Variants in FER1L5 observed in about 807,000 individuals in gnomAD.
FER1L5 encodes the protein fer-1 like family member 5.
A neutral mutation model predicts 279.9 loss-of-function variants in FER1L5; 187 were observed. The ratio of observed to expected loss-of-function variants is 0.67; its 90% CI spans 0.59 to 0.75. The LOEUF (loss-of-function observed/expected upper bound fraction) is 0.75. FER1L5 is among the 30% of genes least tolerant of loss of function. FER1L5 has a pLI of 0.00. For synonymous variants in FER1L5, 921 were observed against 989.7 expected (o/e 0.93, Z 1.30); for missense variants, 2,091 against 2,594.4 (o/e 0.81, Z 4.21).
chr2:96,651,251 CT>C (rs762063519), intron 6 of FER1L5, among the ~76,000 whole-genome samples: 1,557 of 128,538 alleles, frequency 0.012, 24 homozygotes, highest in African/African-American at 0.04. Flanking sequence ...TTCTTTCTTT[CT>C]TTCTTTCTTT....
At chr2:96,672,413 A>G (rs1044415152) in intron 18 of FER1L5, among the ~76,000 whole-genome samples, 9 of 152,148 alleles carry the variant, frequency 5.9e-5, no homozygotes, top group African/African-American at 1.7e-4. Flanking sequence ...GGAAATGAGA[A>G]CAGGTGGTAG....
rs376708166 is a variant in FER1L5, at chr2:96,694,296, T to C, written c.3637-64T>C. On this transcript the variant is annotated intron_variant, in intron 33 of 52. Coordinates refer to ENST00000624922, the MANE Select transcript of FER1L5 (RefSeq NM_001293083.2). This position sits in a 1 kb window ranked among gnomAD's most constrained non-coding sequence, Gnocchi z 4.6. The stretch of plus-strand genomic sequence containing the variant: ...TCGGTGAGGCCTCTGAGGGACCTGC[T>C]TGAGGTGAGGGTGAGGGCAGCAGGA... 58 of 1,447,142 alleles carry C rather than the reference T, an allele frequency of 4.0e-5. 3 individuals are homozygous for C. The highest frequency in any genetic ancestry group is 2.4e-4 in the Admixed American group (10 of 42,362). 89.6% of individuals were successfully genotyped at this position (1,447,142 alleles called of 1,614,324 possible).
chr2:96,677,722 G>A (rs188648427), intron 19 of FER1L5, among the ~76,000 whole-genome samples: 23 of 152,166 alleles, frequency 1.5e-4, no homozygotes, highest in Admixed American at 3.3e-4. Context: ...AAAATTACCC[G>A]GGCATGGTGG....
At chr2:96,652,824 A>T (rs1289774495) in intron 7 of FER1L5, 2 of 152,424 alleles carry the variant, frequency 1.3e-5, no homozygotes, top group Non-Finnish European at 2.9e-5. Flanking sequence ...TGGCAGGGCA[A>T]CCTAGAAGGA....
intron 51 of FER1L5, among the ~76,000 whole-genome samples, 179 bp downstream of exon 51, chr2:96,703,811 T>C (rs1224360612): frequency 1.2e-3 from 67 of 55,888 alleles, no homozygotes; most frequent in African/African-American, 4.7e-3. Context: ...AAAGTTGCCT[T>C]TTTTTTTTTT....
At position 96,648,251 on chromosome 2, in the gene FER1L5, G is replaced by T. The variant is rs1446973790; in HGVS notation, c.339+365G>T. Among the ~76,000 whole-genome samples, 2 of 152,220 alleles carry T rather than the reference G, an allele frequency of 1.3e-5. 1 individual carries two copies. The highest frequency in any genetic ancestry group is 4.8e-5 in the African/African-American group (2 of 41,456). On this transcript the variant is annotated intron_variant, in intron 4 of 52. Coordinates refer to ENST00000624922, the MANE Select transcript of FER1L5 (RefSeq NM_001293083.2). Reference sequence around the variant, plus strand: ...AGGGAGTGAACAATTTGTCTCAGGAGGTCATGGACAGATTTACAGAGGGGG... The same window carrying T: ...AGGGAGTGAACAATTTGTCTCAGGATGTCATGGACAGATTTACAGAGGGGG...
intron 19 of FER1L5, among the ~76,000 whole-genome samples, chr2:96,679,897 A>G (rs1274650680): frequency 6.6e-6 from 1 of 151,548 alleles, no homozygotes; most frequent in East Asian, 1.9e-4. Flanking sequence ...TTACCTTCCC[A>G]TCTCTGTTTT....
chr2:96,659,361 CCTT>C (rs1558853610), intron 9 of FER1L5, among the ~76,000 whole-genome samples: 123 of 66,678 alleles, frequency 1.8e-3, no homozygotes, highest in South Asian at 7.0e-3. Context: ...TTCCTTCCTT[CCTT>C]CTTTCTTTCT....
intron 18 of FER1L5, among the ~76,000 whole-genome samples, chr2:96,671,106 C>CAAAAAAGAAAAAAA (rs2076309658): frequency 2.5e-5 from 1 of 40,222 alleles, no homozygotes; most frequent in Non-Finnish European, 3.9e-5. Flanking sequence ...GACTCCATCT[C>CAAAAAAGAAAAAAA]AAAAAAAAAA....
Position 96,704,807 on chromosome 2 carries a change from C to A in FER1L5, c.*115C>A. On this transcript the variant is annotated 3_prime_UTR_variant, in exon 53 of 53. Coordinates refer to ENST00000624922, the MANE Select transcript of FER1L5 (RefSeq NM_001293083.2). ...ATGCAAGATGCTAGGAATATTCTGG[C>A]TATTGTGTTCAGAAATCACTTTCAA... The A allele has an allele frequency of 2.5e-6, 2 of 785,578 alleles. No homozygotes were observed. The highest frequency in any genetic ancestry group is 4.1e-6 in the Non-Finnish European group (2 of 489,518). 48.7% of individuals were successfully genotyped at this position (785,578 alleles called of 1,614,324 possible). A position where few individuals can be genotyped will look rare whatever the true frequency, so the allele number is the denominator to read the frequency against.
At chr2:96,669,167 A>G in intron 17 of FER1L5, 30 bp downstream of exon 17, 3 of 1,540,974 alleles carry the variant, frequency 1.9e-6, no homozygotes, top group Non-Finnish European at 2.6e-6. Flanking sequence ...TCTAGGGTAC[A>G]GTGGAGGTAG....
chr2:96,668,404 G>T (rs1405475408), intron 14 of FER1L5, among the ~76,000 whole-genome samples: 4 of 152,082 alleles, frequency 2.6e-5, no homozygotes, highest in Non-Finnish European at 5.9e-5. Context: ...CCTGATGGCA[G>T]GTGCCTGTAG....
chr2:96,693,870 G>T, intron 32 of FER1L5, 41 bp from the exon 33 acceptor site: 2 of 1,510,602 alleles, frequency 1.3e-6, no homozygotes, highest in Middle Eastern at 1.9e-4. Context: ...GCTGGGCCCT[G>T]CCAGCATGGC....
chr2:96,682,520 C>T (rs540796288), intron 19 of FER1L5, among the ~76,000 whole-genome samples: 4 of 152,118 alleles, frequency 2.6e-5, no homozygotes, highest in Admixed American at 1.3e-4. Context: ...TATACAGGAG[C>T]GGAGTTGATG....
intron 6 of FER1L5, 25 bp from the exon 7 acceptor site, chr2:96,651,867 A>C: frequency 6.4e-7 from 1 of 1,551,912 alleles, no homozygotes; most frequent in Admixed American, 2.0e-5. Context: ...CCTCAATATC[A>C]GCTCCCCATG....
Position 96,689,104 on chromosome 2 carries a change from C to A in FER1L5, c.2362-109C>A. ...ATGGCCCTTTCTTGCCTGGCTACCACATTTTTAGGATGCCCCTGCAGCCCA... is the reference window on the plus strand; with the variant it reads ...ATGGCCCTTTCTTGCCTGGCTACCAAATTTTTAGGATGCCCCTGCAGCCCA... On this transcript the variant is annotated intron_variant, in intron 24 of 52. Transcript: ENST00000624922. The surrounding 1 kb of genome is among the most constrained non-coding windows in gnomAD (Gnocchi z 4.6). 7.5e-7 allele frequency: 1 copy of A among 1,335,276 alleles called. No homozygotes were observed. The highest frequency in any genetic ancestry group is 1.0e-6 in the Non-Finnish European group (1 of 994,706). 82.7% of individuals were successfully genotyped at this position (1,335,276 alleles called of 1,614,324 possible). A position where few individuals can be genotyped will look rare whatever the true frequency, so the allele number is the denominator to read the frequency against.
At chr2:96,661,574 C>A (rs1055323319) in intron 11 of FER1L5, 94 bp from the exon 12 acceptor site, 8 of 1,533,474 alleles carry the variant, frequency 5.2e-6, no homozygotes, top group Non-Finnish European at 7.1e-6. Flanking sequence ...CCCATCCCCC[C>A]TGCACCAAGT....
Position 96,686,051 on chromosome 2 carries a change from C to A in FER1L5, c.2007C>A (p.Ala669=), listed in dbSNP as rs759837667. 6.4e-7 allele frequency: 1 copy of A among 1,551,686 alleles called. No homozygotes were observed. The highest frequency in any genetic ancestry group is 1.2e-5 in the South Asian group (1 of 84,068). Residue 669 remains alanine, a synonymous_variant, in exon 22 of 53, where the codon GCC becomes GCA. Transcript: ENST00000624922. The part of the protein sequence containing the change: ...LQELAQKAKQ[A]KPKDMVATAE... ...AACTGGCCCAAAAGGCCAAGCAAGCCAAGCCCAAGGACATGGTGGCCACAG... is the reference window on the plus strand; with the variant it reads ...AACTGGCCCAAAAGGCCAAGCAAGCAAAGCCCAAGGACATGGTGGCCACAG...
At position 96,693,542 on chromosome 2, in the gene FER1L5, A is replaced by G. The variant is rs1172094232; in HGVS notation, c.3329A>G (p.Gln1110Arg). 6.4e-7 allele frequency: 1 copy of G among 1,551,046 alleles called. No individual in the cohort carries two copies. The highest frequency in any genetic ancestry group is 1.2e-5 in the South Asian group (1 of 83,996). The stretch of plus-strand genomic sequence containing the variant: ...CGGGTGGTCTTCCTGAACCACAGCC[A>G]GTGCACCCAAACCCTGAGGAGCTCT... ...FIRVVFLNHS[Q>R]CTQTLRSSAG... is the part of the protein sequence containing the mutation. Residue 1110 changes from glutamine to arginine, a missense_variant, in exon 32 of 53, where the codon CAG (glutamine) becomes CGG (arginine). Transcript: ENST00000624922.
Sources: allele counts gnomAD v4.1 joint callset (sites outside exome capture counted in the v4.1 genomes callset), GRCh38; gene constraint gnomAD v4.1.1; non-coding constraint Gnocchi (gnomAD v3.1); transcripts MANE v1.5; gene names NCBI Gene and HGNC (gene_info 2026-07-23, HGNC 2026-07-21).